CASK: variants seen among roughly 807,000 people sequenced by gnomAD.
CASK encodes the protein peripheral plasma membrane protein CASK.
A neutral mutation model predicts 82.9 loss-of-function variants in CASK; 4 were observed. That is an observed-to-expected ratio of 0.05 (90% CI 0.02 to 0.11). The LOEUF is 0.11. Among genes scored for constraint, CASK ranks in the 10% least tolerant of loss-of-function variants. The pLI is 1.00. For missense variants in CASK, 358 were observed against 720.9 expected (o/e 0.50, Z 5.76); for synonymous variants, 259 against 253.5 (o/e 1.02, Z -0.20).
In CASK at chrX:41,765,270, G is replaced by A. The variant is rs1464169428; in HGVS notation, c.279-19669C>T. Reference sequence around the variant, plus strand: ...GTCTAGCCTTATACATATGAGTACAGTTTTTTAATGAAGTAAGACATATAC... The same window carrying A: ...GTCTAGCCTTATACATATGAGTACAATTTTTTAATGAAGTAAGACATATAC... On this transcript the variant is annotated intron_variant, in intron 3 of 26. Transcript: ENST00000378163. Among the ~76,000 whole-genome samples the A allele has an allele frequency of 3.6e-5, 4 of 111,987 alleles. No individual in the cohort carries two copies. In the East Asian group the frequency reaches 1.1e-3, roughly 31 times the overall value.
intron 3 of CASK, among the ~76,000 whole-genome samples, chrX:41,757,560 T>A (rs1468517425): frequency 8.9e-6 from 1 of 112,656 alleles, no homozygotes; most frequent in East Asian, 2.8e-4. Flanking sequence ...ATGGCAGTCT[T>A]GCTCTGTCAC....
intron 2 of CASK, among the ~76,000 whole-genome samples, chrX:41,847,049 TC>T (rs2071169603): frequency 8.9e-6 from 1 of 112,055 alleles, no homozygotes; most frequent in Admixed American, 9.5e-5. Flanking sequence ...TTCAAGATAC[TC>T]CCCTTGTCTG....
intron 1 of CASK, among the ~76,000 whole-genome samples, chrX:41,884,806 G>A (rs1393541800): frequency 9.0e-6 from 1 of 111,570 alleles, no homozygotes; most frequent in Non-Finnish European, 1.9e-5. Flanking sequence ...ATAACTAGGA[G>A]CACACAACAA....
chrX:41,841,730 G>A (rs2071043539), intron 2 of CASK, among the ~76,000 whole-genome samples: 1 of 111,038 alleles, frequency 9.0e-6, no homozygotes, highest in Non-Finnish European at 1.9e-5. Flanking sequence ...TGCCATGTTG[G>A]CCAGGCTGGT....
intron 8 of CASK, among the ~76,000 whole-genome samples, chrX:41,640,226 T>G (rs1175424546): frequency 9.1e-6 from 1 of 109,601 alleles, no homozygotes; most frequent in Non-Finnish European, 1.9e-5. Flanking sequence ...TTTTTTGAAA[T>G]GGAGTCTTGC....
intron 3 of CASK, among the ~76,000 whole-genome samples, chrX:41,760,726 T>C (rs924203683): frequency 9.0e-6 from 1 of 111,168 alleles, no homozygotes; most frequent in Non-Finnish European, 1.9e-5. Context: ...GTTCTCGAGT[T>C]TCTCTCTCTT....
At chrX:41,596,063 T>C (rs1307414513) in intron 12 of CASK, among the ~76,000 whole-genome samples, 1 of 109,483 alleles carries the variant, frequency 9.1e-6, no homozygotes, top group Non-Finnish European at 1.9e-5. Context: ...GGTGTGGTGG[T>C]GCATGCCTGT....
intron 5 of CASK, among the ~76,000 whole-genome samples, chrX:41,736,519 A>C (rs2068502654): frequency 9.0e-6 from 1 of 111,442 alleles, no homozygotes; most frequent in Admixed American, 9.5e-5. Context: ...ACAAAACAAA[A>C]CAAACAAACA....
At chrX:41,532,897 G>T (rs1370118278) in intron 24 of CASK, among the ~76,000 whole-genome samples, 1 of 111,077 alleles carries the variant, frequency 9.0e-6, no homozygotes, top group African/African-American at 3.3e-5. Flanking sequence ...GCAACTTCCA[G>T]CTCCCGGGTT....
intron 8 of CASK, among the ~76,000 whole-genome samples, chrX:41,656,707 G>A (rs1487022532): frequency 4.5e-5 from 5 of 110,917 alleles, no homozygotes; most frequent in South Asian, 3.9e-4. Flanking sequence ...ATATTCTTTC[G>A]TTTTTCTGAT....
At chrX:41,666,127 G>A (rs1045375322) in intron 6 of CASK, among the ~76,000 whole-genome samples, 1 of 112,033 alleles carries the variant, frequency 8.9e-6, no homozygotes, top group Non-Finnish European at 1.9e-5. Context: ...CATATGAAGA[G>A]AATGAGAGCA....
rs184356417 is a variant in CASK at position 41,830,636 on chromosome X, C to T, written c.172+22479G>A. ...TAGATCGAGACCATCCTGGCTAACT[C>T]GGTGAAACCCCGTCTCTACTAAAAA... On this transcript the variant is annotated intron_variant, in intron 2 of 26. Coordinates refer to ENST00000378163, the MANE Select transcript of CASK (RefSeq NM_001367721.1). Among the ~76,000 whole-genome samples the T allele has an allele frequency of 2.2e-3, 235 of 107,089 alleles. 1 individual carries two copies. Among genetic ancestry groups the T allele is most frequent in the Non-Finnish European group, 2.5e-3 (128 of 51,653 alleles). 93.0% of individuals were successfully genotyped at this position (107,089 alleles called of 115,157 possible).
intron 2 of CASK, among the ~76,000 whole-genome samples, chrX:41,837,341 G>A: frequency 9.0e-6 from 1 of 111,512 alleles, no homozygotes; most frequent in African/African-American, 3.3e-5. Context: ...GCACTCATGT[G>A]TCTATGTGCA....
chrX:41,719,742 C>G (rs1165577767), intron 5 of CASK, among the ~76,000 whole-genome samples: 1 of 111,669 alleles, frequency 9.0e-6, no homozygotes, highest in Non-Finnish European at 1.9e-5. Context: ...GATTGGCTAG[C>G]AACTTAGAAC....
At chrX:41,788,458 T>C (rs1397136493) in intron 2 of CASK, among the ~76,000 whole-genome samples, 1 of 111,367 alleles carries the variant, frequency 9.0e-6, no homozygotes, top group Non-Finnish European at 1.9e-5. Context: ...TATTAGAAAG[T>C]CGAAGGGAGA....
At chrX:41,764,026 C>T (rs2069058854) in intron 3 of CASK, among the ~76,000 whole-genome samples, 1 of 111,915 alleles carries the variant, frequency 8.9e-6, no homozygotes, top group South Asian at 3.7e-4. Flanking sequence ...GATAGGAATA[C>T]CAAATGGCAG....
At chrX:41,736,386 G>C (rs1376052609) in intron 5 of CASK, among the ~76,000 whole-genome samples, 1 of 111,598 alleles carries the variant, frequency 9.0e-6, no homozygotes, top group Non-Finnish European at 1.9e-5. Context: ...TATAGTCCCA[G>C]CTACTCTGGA....
intron 2 of CASK, among the ~76,000 whole-genome samples, chrX:41,844,838 C>T (rs1386486511): frequency 9.0e-6 from 1 of 111,433 alleles, no homozygotes; most frequent in Non-Finnish European, 1.9e-5. Context: ...AATAAACTTC[C>T]CCCTAATCAC....
intron 12 of CASK, among the ~76,000 whole-genome samples, chrX:41,595,615 T>TA (rs1569328417): frequency 9.1e-6 from 1 of 109,997 alleles, no homozygotes; most frequent in African/African-American, 3.3e-5. Context: ...AAAATAAAAA[T>TA]AAAAAAAAGA....
Sources: gnomAD v4.1 joint callset for allele counts (sites outside exome capture counted in the v4.1 genomes callset) on GRCh38, gnomAD v4.1.1 for gene constraint, MANE v1.5 for transcripts, NCBI Gene and HGNC (gene_info 2026-07-23, HGNC 2026-07-21) for gene names.